DIP2C: variants seen among roughly 807,000 people sequenced by gnomAD.
DIP2C encodes DIP2 acetate--CoA ligase C (putative), also known as disco-interacting protein 2 homolog C.
DIP2C carries 33 observed loss-of-function variants against 192.4 expected under a neutral mutation model. The ratio of observed to expected loss-of-function variants is 0.17; its 90% CI spans 0.13 to 0.23. The LOEUF is 0.23. Among genes scored for constraint, DIP2C ranks in the 10% least tolerant of loss-of-function variants. The probability of loss-of-function intolerance (pLI) is 1.00; values close to 1 mark genes in which losing one functional copy is unlikely to be tolerated. For missense variants in DIP2C, 1,537 were observed against 2,110.1 expected, an observed-to-expected ratio of 0.73 and a Z score of 5.32; for synonymous variants, 979 against 864.1, an observed-to-expected ratio of 1.13 and a Z score of -2.33.
intron 1 of DIP2C, among the ~76,000 whole-genome samples, chr10:682,704 T>A (rs1308104236): frequency 6.6e-6 from 1 of 151,980 alleles, no homozygotes; most frequent in Non-Finnish European, 1.5e-5. Flanking sequence ...AATGGTATAT[T>A]ACTTCTCTAA....
intron 1 of DIP2C, among the ~76,000 whole-genome samples, chr10:511,021 T>G (rs1845979074): frequency 6.6e-6 from 1 of 152,228 alleles, no homozygotes; most frequent in Non-Finnish European, 1.5e-5. Context: ...GAGATGCAGT[T>G]GAAACATCGA....
At chr10:566,698 CAA>C (rs1418408583) in intron 1 of DIP2C, among the ~76,000 whole-genome samples, 2 of 152,244 alleles carry the variant, frequency 1.3e-5, no homozygotes, top group East Asian at 1.9e-4. Context: ...GCGGTGTTCT[CAA>C]AGACAACAAC....
intron 31 of DIP2C, among the ~76,000 whole-genome samples, chr10:316,728 T>TTC (rs1286645102): frequency 2.6e-5 from 4 of 152,188 alleles, no homozygotes; most frequent in African/African-American, 9.7e-5. Flanking sequence ...ACACTAAAGG[T>TTC]TCAGAGTGCC....
intron 1 of DIP2C, among the ~76,000 whole-genome samples, chr10:504,826 G>C (rs1394926679): frequency 6.6e-6 from 1 of 152,208 alleles, no homozygotes; most frequent in Non-Finnish European, 1.5e-5. Context: ...CACTATGGCT[G>C]CATCACGGCT....
In DIP2C at chr10:415,807, C is replaced by T. The variant is rs374564779; in HGVS notation, c.821G>A (p.Arg274Gln). The change falls in exon 7 of 37, where the codon CGA becomes CAA. Residue 274 changes from arginine to glutamine, a missense_variant. Coordinates refer to ENST00000280886, the MANE Select transcript of DIP2C (RefSeq NM_014974.3). ...TTCAAAGTCATCGACAAAGAATTCT[C>T]GTAAAGGTGGTCGTTTCGGTCGTTT... The part of the protein sequence containing the change: ...TLKRPKRPPL[R>Q]EFFVDDFEEL... The T allele has an allele frequency of 1.1e-5, 17 of 1,613,816 alleles. No homozygotes were observed. Among genetic ancestry groups the T allele is most frequent in the East Asian group, 2.2e-5 (1 of 44,876 alleles).
In DIP2C at chr10:286,356, G is replaced by A; in HGVS notation, c.4045-9C>T. ...CGAACCCCTGGAAGTATCTATTTGG[G>A]AGAGGAAAAGTCTCTTGTCAATGGG... is the stretch of plus-strand genomic sequence containing the variant. On this transcript the variant is annotated splice_polypyrimidine_tract_variant and intron_variant, in intron 33 of 36. Transcript: ENST00000280886. 1 of 1,613,664 alleles carries A rather than the reference G, an allele frequency of 6.2e-7. No homozygotes were observed.
chr10:407,635 A>C (rs1304019509), intron 9 of DIP2C, among the ~76,000 whole-genome samples: 1 of 152,098 alleles, frequency 6.6e-6, no homozygotes, highest in Non-Finnish European at 1.5e-5. Context: ...CTCGGTGTAA[A>C]GCAGCATTTC....
chr10:517,692 G>A (rs895052621), intron 1 of DIP2C, among the ~76,000 whole-genome samples: 9 of 152,106 alleles, frequency 5.9e-5, no homozygotes, highest in Non-Finnish European at 7.3e-5. Context: ...TACCAGAAAC[G>A]TGTCACCAGC....
chr10:312,088 T>G (rs1475216700), intron 31 of DIP2C, among the ~76,000 whole-genome samples: 1 of 152,208 alleles, frequency 6.6e-6, no homozygotes, highest in African/African-American at 2.4e-5. Flanking sequence ...AACATGCATC[T>G]GAAGCCTGAA....
chr10:281,346 G>A (rs200607780), intron 35 of DIP2C, 23 bp from the exon 36 acceptor site: 120 of 1,499,814 alleles, frequency 8.0e-5, no homozygotes, highest in Admixed American at 9.0e-5. Context: ...GACAGCCTGC[G>A]TAAGCTTCCC....
At chr10:560,861 C>G (rs1425625914) in intron 1 of DIP2C, among the ~76,000 whole-genome samples, 2 of 152,132 alleles carry the variant, frequency 1.3e-5, no homozygotes, top group Non-Finnish European at 2.9e-5. Flanking sequence ...TTAGACAGAA[C>G]TTAGACTCTT....
intron 1 of DIP2C, among the ~76,000 whole-genome samples, chr10:540,999 G>A (rs560346150): frequency 2.5e-4 from 37 of 147,472 alleles, no homozygotes; most frequent in South Asian, 4.4e-4. Context: ...CACAACACCC[G>A]ATGCTGGGGA....
intron 6 of DIP2C, among the ~76,000 whole-genome samples, chr10:416,223 C>T (rs570484028): frequency 2.0e-5 from 3 of 152,260 alleles, no homozygotes; most frequent in South Asian, 2.1e-4. Flanking sequence ...ACTCCTCATT[C>T]CCACTGCCCC....
chr10:417,297 G>T (rs992048340), intron 6 of DIP2C, among the ~76,000 whole-genome samples: 6 of 152,082 alleles, frequency 3.9e-5, no homozygotes, highest in African/African-American at 1.4e-4. Flanking sequence ...TTCTGGTGTG[G>T]GAGGCTATGA....
intron 1 of DIP2C, among the ~76,000 whole-genome samples, chr10:612,447 G>A (rs1853160834): frequency 6.6e-6 from 1 of 152,212 alleles, no homozygotes; most frequent in Admixed American, 6.5e-5. Context: ...GTTCCCCAAG[G>A]ATGGAAGGAG....
intron 17 of DIP2C, among the ~76,000 whole-genome samples, chr10:374,596 C>G (rs899070401): frequency 5.3e-5 from 8 of 152,228 alleles, no homozygotes; most frequent in Non-Finnish European, 1.0e-4. Flanking sequence ...CTGACCACAG[C>G]GCCAAGCTGC....
At chr10:545,694 A>G (rs1200405270) in intron 1 of DIP2C, among the ~76,000 whole-genome samples, 3 of 152,204 alleles carry the variant, frequency 2.0e-5, no homozygotes, top group African/African-American at 7.2e-5. Context: ...CAGCAGACTG[A>G]CAAAATGGGT....
intron 32 of DIP2C, among the ~76,000 whole-genome samples, chr10:300,068 T>TA (rs1955947021): frequency 6.6e-6 from 1 of 151,984 alleles, no homozygotes; most frequent in Admixed American, 6.6e-5. Flanking sequence ...GGCGGGAAGG[T>TA]AAAACAATGC....
chr10:568,498 T>C (rs1307550166), intron 1 of DIP2C, among the ~76,000 whole-genome samples: 2 of 152,048 alleles, frequency 1.3e-5, no homozygotes, highest in African/African-American at 2.4e-5. Context: ...CCGGGCGCGG[T>C]GGCTCACGCC....
Sources: gnomAD v4.1 joint callset for allele counts (sites outside exome capture counted in the v4.1 genomes callset) on GRCh38, gnomAD v4.1.1 for gene constraint, MANE v1.5 for transcripts, NCBI Gene and HGNC (gene_info 2026-07-23, HGNC 2026-07-21) for gene names.